The following MAGI1 variants were observed in gnomAD, a reference collection of about 807,000 sequenced individuals.
The protein encoded by MAGI1 is membrane-associated guanylate kinase, WW and PDZ domain-containing protein 1.
MAGI1 carries 58 observed loss-of-function variants against 139.9 expected under a neutral mutation model. The ratio of observed to expected loss-of-function variants is 0.41; its 90% CI spans 0.34 to 0.52. The LOEUF (loss-of-function observed/expected upper bound fraction) is 0.52, where lower values mean the gene tolerates loss of function less well. Among genes scored for constraint, MAGI1 ranks in the 20% least tolerant of loss-of-function variants. MAGI1 has a pLI of 0.12. For missense variants in MAGI1, 1,874 were observed against 1,901.6 expected (o/e 0.99, Z 0.27); for synonymous variants, 812 against 737.9 (o/e 1.10, Z -1.63).
chr3:65,758,139 T>A (rs2036705161), intron 1 of MAGI1, among the ~76,000 whole-genome samples: 1 of 152,136 alleles, frequency 6.6e-6, no homozygotes, highest in African/African-American at 2.4e-5. Context: ...CTCGAGGAGA[T>A]AAATCTCCCA....
chr3:65,634,413 G>A (rs9311947), intron 1 of MAGI1, among the ~76,000 whole-genome samples: 41,560 of 152,130 alleles, frequency 0.27, 6,340 homozygotes, highest in African/African-American at 0.38. Flanking sequence ...GATATGATCA[G>A]TGTCCCCACA....
At chr3:65,739,907 G>A (rs770198406) in intron 1 of MAGI1, among the ~76,000 whole-genome samples, 1 of 152,068 alleles carries the variant, frequency 6.6e-6, no homozygotes, top group Non-Finnish European at 1.5e-5. Flanking sequence ...TTACCAAAAC[G>A]TGACTCAAAG....
At chr3:65,643,301 T>C (rs1009508085) in intron 1 of MAGI1, among the ~76,000 whole-genome samples, 2 of 152,208 alleles carry the variant, frequency 1.3e-5, no homozygotes, top group African/African-American at 2.4e-5. Flanking sequence ...AAAACCATGT[T>C]ACTAGCAAAC....
intron 1 of MAGI1, among the ~76,000 whole-genome samples, chr3:65,865,806 A>C (rs1176514575): frequency 6.6e-6 from 1 of 152,048 alleles, no homozygotes; most frequent in Non-Finnish European, 1.5e-5. Flanking sequence ...ACACCCAGCT[A>C]ATTCTGTATT....
Position 65,982,754 on chromosome 3 carries a change from T to A in MAGI1, c.313+55242A>T, listed in dbSNP as rs138145350. Among the ~76,000 whole-genome samples, 624 of 152,182 alleles carry A rather than the reference T, an allele frequency of 4.1e-3. 1 individual carries two copies. The highest frequency in any genetic ancestry group is 0.013 in the African/African-American group (550 of 41,510). ...CATTATAGTGACTGTATATCTAAGC[T>A]CAGTAGGCACCAGTGCCAAAAATCT... On this transcript the variant is annotated intron_variant, in intron 1 of 22. Coordinates refer to ENST00000402939, the MANE Select transcript of MAGI1 (RefSeq NM_001033057.2).
At chr3:65,998,034 C>T (rs1041587842) in intron 1 of MAGI1, among the ~76,000 whole-genome samples, 2 of 148,594 alleles carry the variant, frequency 1.3e-5, no homozygotes, top group African/African-American at 5.0e-5. Context: ...ACCCGGGAGG[C>T]AGAGGTTGCA....
At chr3:65,604,199 A>G (rs1168929334) in intron 2 of MAGI1, among the ~76,000 whole-genome samples, 1 of 152,172 alleles carries the variant, frequency 6.6e-6, no homozygotes, top group Non-Finnish European at 1.5e-5. Context: ...ATGCAAAAAA[A>G]AAAAGTATCT....
chr3:65,991,930 G>A (rs934134197), intron 1 of MAGI1, among the ~76,000 whole-genome samples: 1 of 152,136 alleles, frequency 6.6e-6, no homozygotes, highest in Non-Finnish European at 1.5e-5. Flanking sequence ...CAGGAGAATT[G>A]CCTGAACCCA....
chr3:65,816,611 G>A (rs2041617978), intron 1 of MAGI1, among the ~76,000 whole-genome samples: 1 of 148,064 alleles, frequency 6.8e-6, no homozygotes, highest in Non-Finnish European at 1.5e-5. Flanking sequence ...TTGTTAACAA[G>A]TCAGATGCTC....
At chr3:66,028,139 TACAA>T (rs905310545) in intron 1 of MAGI1, among the ~76,000 whole-genome samples, 1 of 152,112 alleles carries the variant, frequency 6.6e-6, no homozygotes, top group Non-Finnish European at 1.5e-5. Flanking sequence ...ACCCCATCTC[TACAA>T]ACAAACAAAT....
chr3:65,362,022 A>T (rs1327530494), intron 21 of MAGI1, among the ~76,000 whole-genome samples: 2 of 152,242 alleles, frequency 1.3e-5, no homozygotes, highest in African/African-American at 4.8e-5. Context: ...AGAATAAATA[A>T]GACGAGGCAG....
At chr3:65,374,782 T>C (rs940326971) in intron 18 of MAGI1, among the ~76,000 whole-genome samples, 2 of 152,160 alleles carry the variant, frequency 1.3e-5, no homozygotes, top group Non-Finnish European at 2.9e-5. Context: ...CAATGTTCCC[T>C]GGGGGGCAGA....
chr3:65,766,164 C>T (rs1359583883), intron 1 of MAGI1, among the ~76,000 whole-genome samples: 1 of 152,166 alleles, frequency 6.6e-6, no homozygotes, highest in African/African-American at 2.4e-5. Context: ...ATATAAGGCA[C>T]AAGTCAACAA....
At chr3:65,738,698 C>T (rs1295455610) in intron 1 of MAGI1, among the ~76,000 whole-genome samples, 1 of 152,226 alleles carries the variant, frequency 6.6e-6, no homozygotes, top group African/African-American at 2.4e-5. Flanking sequence ...TCTCCATGTA[C>T]ATCTCCATCA....
At chr3:65,977,837 G>A (rs547368538) in intron 1 of MAGI1, among the ~76,000 whole-genome samples, 2 of 152,104 alleles carry the variant, frequency 1.3e-5, no homozygotes, top group African/African-American at 2.4e-5. Flanking sequence ...CCTCAAACCT[G>A]CCACGTTCTT....
At chr3:65,655,103 A>T (rs993416531) in intron 1 of MAGI1, among the ~76,000 whole-genome samples, 1 of 152,162 alleles carries the variant, frequency 6.6e-6, no homozygotes, top group African/African-American at 2.4e-5. Context: ...CCTTTATTAC[A>T]CACAGTGTGT....
At chr3:65,658,105 C>A (rs1290116413) in intron 1 of MAGI1, among the ~76,000 whole-genome samples, 8 of 152,126 alleles carry the variant, frequency 5.3e-5, no homozygotes, top group Non-Finnish European at 1.0e-4. Context: ...AAATCACGAA[C>A]TTTATCATGT....
chr3:65,914,525 A>G (rs1560007935), intron 1 of MAGI1, among the ~76,000 whole-genome samples: 1 of 152,194 alleles, frequency 6.6e-6, no homozygotes, highest in African/African-American at 2.4e-5. Flanking sequence ...CAAGGCATTC[A>G]CGCTCAATTC....
intron 1 of MAGI1, among the ~76,000 whole-genome samples, chr3:65,622,727 C>A (rs2083751856): frequency 6.6e-6 from 1 of 151,964 alleles, no homozygotes; most frequent in Non-Finnish European, 1.5e-5. Flanking sequence ...CTACACCTAG[C>A]TAATTTATAT....
Sources: gnomAD v4.1 joint callset for allele counts (sites outside exome capture counted in the v4.1 genomes callset) on GRCh38, gnomAD v4.1.1 for gene constraint, MANE v1.5 for transcripts, NCBI Gene and HGNC (gene_info 2026-07-23, HGNC 2026-07-21) for gene names.